ST3GAL3: variants seen among roughly 807,000 people sequenced by gnomAD.
The protein encoded by ST3GAL3 is CMP-N-acetylneuraminate-beta-1,4-galactoside alpha-2,3-sialyltransferase.
ST3GAL3 carries 21 observed loss-of-function variants against 50.1 expected under a neutral mutation model. The observed-to-expected ratio is 0.42, with a 90% CI of 0.30 to 0.60. The LOEUF is 0.60. Ranked by LOEUF, ST3GAL3 falls within the 20% of genes least tolerant of loss-of-function variation. ST3GAL3 has a pLI of 0.19. For missense variants in ST3GAL3, 353 were observed against 489.4 expected (o/e 0.72, Z 2.63); for synonymous variants, 183 against 190.0 (o/e 0.96, Z 0.30).
At chr1:43,874,961 C>A (rs1422226232) in intron 5 of ST3GAL3, among the ~76,000 whole-genome samples, 1 of 152,138 alleles carries the variant, frequency 6.6e-6, no homozygotes, top group Non-Finnish European at 1.5e-5. Context: ...TTGAGTGAGA[C>A]CAGCCAGCAA....
chr1:43,891,619 T>C (rs2076693248), intron 5 of ST3GAL3, among the ~76,000 whole-genome samples: 1 of 152,108 alleles, frequency 6.6e-6, no homozygotes, highest in South Asian at 2.1e-4. Context: ...AAAATTACAA[T>C]AGATTGACAT....
chr1:43,805,329 A>T (rs1327329296), intron 3 of ST3GAL3, among the ~76,000 whole-genome samples: 10 of 152,188 alleles, frequency 6.6e-5, no homozygotes, highest in Admixed American at 6.5e-4. Flanking sequence ...AGGTGCCTAC[A>T]CTTTGGACAT....
intron 6 of ST3GAL3, 105 bp downstream of exon 6, chr1:43,894,582 C>A (rs1570857722): frequency 1.0e-6 from 1 of 969,804 alleles, no homozygotes; most frequent in South Asian, 1.3e-5. Flanking sequence ...GAGAATCCAC[C>A]CTTCCTCTAC....
intron 1 of ST3GAL3, among the ~76,000 whole-genome samples, chr1:43,725,552 TTC>T (rs1672554473): frequency 3.9e-5 from 6 of 152,174 alleles, no homozygotes; most frequent in Admixed American, 3.3e-4. Flanking sequence ...ACAGCCAGAA[TTC>T]TCTGTCTTAA....
chr1:43,798,396 G>A (rs191975305), intron 3 of ST3GAL3, among the ~76,000 whole-genome samples: 9 of 152,238 alleles, frequency 5.9e-5, no homozygotes, highest in Non-Finnish European at 1.2e-4. Flanking sequence ...ATCCAAACTT[G>A]TCCCTCCTTC....
At chr1:43,767,275 C>A (rs539596801) in intron 2 of ST3GAL3, among the ~76,000 whole-genome samples, 12 of 152,052 alleles carry the variant, frequency 7.9e-5, no homozygotes, top group African/African-American at 2.9e-4. Context: ...TGGATAGAGG[C>A]GCAAGAGTGC....
chr1:43,904,730 C>CCCG (rs2078871972), intron 9 of ST3GAL3, among the ~76,000 whole-genome samples: 1 of 89,916 alleles, frequency 1.1e-5, no homozygotes, highest in Non-Finnish European at 2.5e-5. Flanking sequence ...CTCACCCTCC[C>CCCG]CCTCCTGCTC....
intron 2 of ST3GAL3, among the ~76,000 whole-genome samples, chr1:43,751,114 G>A (rs909721484): frequency 6.6e-6 from 1 of 152,112 alleles, no homozygotes; most frequent in East Asian, 1.9e-4. Context: ...AAAATTATAA[G>A]TGGTTAGTGT....
chr1:43,758,432 T>C (rs1688949513), intron 2 of ST3GAL3, among the ~76,000 whole-genome samples: 1 of 152,034 alleles, frequency 6.6e-6, no homozygotes, highest in Admixed American at 6.6e-5. Context: ...TTTAAATTTT[T>C]TGTAGAGACA....
In ST3GAL3 at chr1:43,899,633, C is replaced by T; in HGVS notation, c.650C>T (p.Pro217Leu). The T allele has an allele frequency of 6.2e-7, 1 of 1,614,178 alleles. No individual in the cohort carries two copies. Among genetic ancestry groups the T allele is most frequent in the Non-Finnish European group, 8.5e-7 (1 of 1,180,050 alleles). Residue 217 changes from proline to leucine, a missense_variant, in exon 9 of 12, where the codon CCT becomes CTT. Transcript: ENST00000347631. This position sits in a 1 kb window ranked among gnomAD's most constrained non-coding sequence, Gnocchi z 5.4. ...TACCCCGAGGGCGCCATGCAGCGGC[C>T]TGAGCAGTACGAGCGCGATTCTCTC... ...ITYPEGAMQRPEQYERDSLFV... is the reference protein window; with the variant it reads ...ITYPEGAMQRLEQYERDSLFV...
chr1:43,779,796 C>T, intron 2 of ST3GAL3, among the ~76,000 whole-genome samples: 1 of 152,202 alleles, frequency 6.6e-6, no homozygotes, highest in East Asian at 1.9e-4. Flanking sequence ...TTCCTGAAGT[C>T]AGTAAAAGTC....
At chr1:43,911,597 G>A (rs889310102) in intron 9 of ST3GAL3, among the ~76,000 whole-genome samples, 4 of 149,960 alleles carry the variant, frequency 2.7e-5, no homozygotes, top group African/African-American at 7.4e-5. Flanking sequence ...AGATATATCT[G>A]TAGCTATAGA....
At chr1:43,748,538 C>T (rs547822159) in intron 2 of ST3GAL3, among the ~76,000 whole-genome samples, 4 of 150,668 alleles carry the variant, frequency 2.7e-5, no homozygotes, top group Non-Finnish European at 5.9e-5. Context: ...AAGCAATCCT[C>T]CTGCCTCAGC....
intron 5 of ST3GAL3, among the ~76,000 whole-genome samples, chr1:43,845,184 T>C (rs556780655): frequency 1.7e-4 from 26 of 152,256 alleles, no homozygotes; most frequent in Admixed American, 4.6e-4. Context: ...TGTTTCGCCA[T>C]GTTTGCCAGG....
intron 1 of ST3GAL3, among the ~76,000 whole-genome samples, chr1:43,732,834 A>G (rs1676529741): frequency 6.6e-6 from 1 of 152,196 alleles, no homozygotes; most frequent in African/African-American, 2.4e-5. Context: ...AGACTGGGCT[A>G]AGGTATATGA....
intron 11 of ST3GAL3, chr1:43,921,298 C>T (rs1316885385): frequency 9.5e-6 from 5 of 525,810 alleles, no homozygotes; most frequent in Non-Finnish European, 1.7e-5. Context: ...GGTCTCAGGA[C>T]TTCTCCATAT....
At chr1:43,885,450 G>A (rs6677990) in intron 5 of ST3GAL3, among the ~76,000 whole-genome samples, 7,519 of 152,236 alleles carry the variant, frequency 0.049, 278 homozygotes, top group Non-Finnish European at 0.08. Flanking sequence ...CGGGGTGCTG[G>A]CGGGGCTGGC....
At chr1:43,761,175 A>T (rs944974795) in intron 2 of ST3GAL3, among the ~76,000 whole-genome samples, 1 of 152,168 alleles carries the variant, frequency 6.6e-6, no homozygotes, top group Non-Finnish European at 1.5e-5. Flanking sequence ...TCAGCAGTTC[A>T]TTTCCTGTTG....
chr1:43,781,178 A>G (rs1334732498), intron 2 of ST3GAL3, among the ~76,000 whole-genome samples: 1 of 152,190 alleles, frequency 6.6e-6, no homozygotes, highest in African/African-American at 2.4e-5. Context: ...CTTCTGCTTT[A>G]CAATGAACAT....
Sources: allele counts gnomAD v4.1 joint callset (sites outside exome capture counted in the v4.1 genomes callset), GRCh38; gene constraint gnomAD v4.1.1; non-coding constraint Gnocchi (gnomAD v3.1); transcripts MANE v1.5; gene names NCBI Gene and HGNC (gene_info 2026-07-23, HGNC 2026-07-21).